The following NRXN1 variants were observed in gnomAD, a reference collection of about 807,000 sequenced individuals.
NRXN1 encodes the protein neurexin 1.
NRXN1 carries 39 observed loss-of-function variants against 150.9 expected under a neutral mutation model. The ratio of observed to expected loss-of-function variants is 0.26; its 90% confidence interval spans 0.20 to 0.34. NRXN1 has a LOEUF of 0.34. NRXN1 is among the 10% of genes least tolerant of loss of function. NRXN1 has a pLI of 1.00. For missense variants in NRXN1, 1,815 were observed against 1,949.9 expected, an observed-to-expected ratio of 0.93 and a Z score of 1.30; for synonymous variants, 924 against 757.0, an observed-to-expected ratio of 1.22 and a Z score of -3.62.
At chr2:50,200,487 T>A (rs2062082174) in intron 18 of NRXN1, among the ~76,000 whole-genome samples, 1 of 152,114 alleles carries the variant, frequency 6.6e-6, no homozygotes, top group Non-Finnish European at 1.5e-5. Context: ...AACAATAACA[T>A]AAAATAATCG....
rs1189183300 is a variant in NRXN1 at position 49,985,098 on chromosome 2, TCA to T, written c.4129-41309_4129-41308del. Among the ~76,000 whole-genome samples, 7 of 152,336 alleles carry T rather than the reference TCA, an allele frequency of 4.6e-5. No homozygotes were observed. The South Asian group carries it at 1.4e-3, about 32-fold the overall frequency. The stretch of plus-strand genomic sequence containing the variant: ...AGCTAGTTAGTTCAACTTCTCTAAG[TCA>T]CAGCTGTTTCACCCATAAAATGAGA... On this transcript the variant is annotated intron_variant, in intron 21 of 22. Coordinates refer to ENST00000401669, the MANE Select transcript of NRXN1 (RefSeq NM_001330078.2).
intron 18 of NRXN1, among the ~76,000 whole-genome samples, chr2:50,139,805 C>A (rs773086848): frequency 4.6e-5 from 7 of 151,592 alleles, no homozygotes; most frequent in African/African-American, 1.7e-4. Flanking sequence ...TTTTGCAAAT[C>A]GACAGAAAAG....
chr2:49,972,547 G>A (rs1678139508), intron 21 of NRXN1: 1 of 152,062 alleles, frequency 6.6e-6, no homozygotes, highest in African/African-American at 2.4e-5. Context: ...AGTATTAATT[G>A]CCACTTTTAT....
intron 17 of NRXN1, among the ~76,000 whole-genome samples, chr2:50,390,501 G>C (rs1244135264): frequency 1.3e-5 from 2 of 152,108 alleles, no homozygotes; most frequent in African/African-American, 4.8e-5. Flanking sequence ...CTGTGTAACT[G>C]TACTATTGCT....
At chr2:49,946,034 C>G (rs1198035185) in intron 21 of NRXN1, among the ~76,000 whole-genome samples, 1 of 151,926 alleles carries the variant, frequency 6.6e-6, no homozygotes, top group Non-Finnish European at 1.5e-5. Context: ...TTCTCCACAT[C>G]CTCCAGCATC....
intron 18 of NRXN1, among the ~76,000 whole-genome samples, chr2:50,151,816 A>G (rs1219984962): frequency 1.3e-5 from 2 of 151,768 alleles, no homozygotes; most frequent in Non-Finnish European, 1.5e-5. Context: ...AAAATTAGTG[A>G]GTTTTATGGT....
intron 15 of NRXN1, among the ~76,000 whole-genome samples, chr2:50,472,872 T>G (rs1375824918): frequency 6.6e-6 from 1 of 151,628 alleles, no homozygotes; most frequent in Non-Finnish European, 1.5e-5. Flanking sequence ...TATCATTGTT[T>G]CTAAAATGGG....
chr2:49,928,275 C>T (rs1348573676), intron 22 of NRXN1, among the ~76,000 whole-genome samples: 2 of 151,226 alleles, frequency 1.3e-5, no homozygotes, highest in South Asian at 4.2e-4. Flanking sequence ...AAAAAAAACT[C>T]TTGGCAAGAT....
intron 17 of NRXN1, among the ~76,000 whole-genome samples, chr2:50,286,172 C>T (rs887623818): frequency 6.6e-5 from 10 of 152,054 alleles, no homozygotes; most frequent in East Asian, 5.8e-4. Flanking sequence ...TAGCATTTTT[C>T]AAGAACACAA....
chr2:50,209,740 A>C (rs2062872493), intron 18 of NRXN1, among the ~76,000 whole-genome samples: 1 of 152,056 alleles, frequency 6.6e-6, no homozygotes, highest in African/African-American at 2.4e-5. Flanking sequence ...TATCTGATTT[A>C]TTTTCATTAA....
intron 13 of NRXN1, among the ~76,000 whole-genome samples, chr2:50,499,003 G>C (rs1370729094): frequency 1.3e-5 from 2 of 152,134 alleles, no homozygotes; most frequent in African/African-American, 4.8e-5. Context: ...TTTCCCCAGG[G>C]GTAATGAAGA....
intron 5 of NRXN1, among the ~76,000 whole-genome samples, chr2:50,816,455 G>A (rs1391450017): frequency 6.6e-6 from 1 of 152,136 alleles, no homozygotes; most frequent in African/African-American, 2.4e-5. Context: ...CCATCTTGAA[G>A]CTATCTTGTG....
chr2:50,575,051 G>T (rs1013742875), intron 8 of NRXN1, among the ~76,000 whole-genome samples: 1 of 152,176 alleles, frequency 6.6e-6, no homozygotes, highest in Non-Finnish European at 1.5e-5. Flanking sequence ...GTATTGCCAC[G>T]TGAGGTGGAA....
Position 50,957,611 on chromosome 2 carries a change from C to T in NRXN1, c.773-31656G>A, listed in dbSNP as rs574827046. 2.7e-4 allele frequency among the ~76,000 whole-genome samples: 41 copies of T among 152,144 alleles called. No individual in the cohort carries two copies. In the South Asian group the frequency reaches 5.4e-3, roughly 20 times the overall value. On this transcript the variant is annotated intron_variant, in intron 2 of 22. Coordinates refer to ENST00000401669, the MANE Select transcript of NRXN1 (RefSeq NM_001330078.2). ...TATTAGTAATCAATAAATGATTCTGCGGCTTTATCATATGTATGAAATTTG... is the reference window on the plus strand; with the variant it reads ...TATTAGTAATCAATAAATGATTCTGTGGCTTTATCATATGTATGAAATTTG...
intron 17 of NRXN1, among the ~76,000 whole-genome samples, chr2:50,355,321 T>C (rs2078717316): frequency 6.6e-6 from 1 of 150,500 alleles, no homozygotes; most frequent in Non-Finnish European, 1.5e-5. Context: ...GTTACACATT[T>C]TGTCAGAGAT....
chr2:49,958,149 C>A (rs189477392), intron 21 of NRXN1, among the ~76,000 whole-genome samples: 1 of 152,218 alleles, frequency 6.6e-6, no homozygotes, highest in African/African-American at 2.4e-5. Context: ...TGCTAATTGT[C>A]TTCTTTGAGA....
At chr2:50,476,293 T>C (rs1209314154) in intron 15 of NRXN1, among the ~76,000 whole-genome samples, 1 of 152,128 alleles carries the variant, frequency 6.6e-6, no homozygotes, top group African/African-American at 2.4e-5. Context: ...ATCATGAGTA[T>C]CCATTCCGCA....
intron 17 of NRXN1, among the ~76,000 whole-genome samples, chr2:50,454,679 C>CACACAT (rs1376492288): frequency 6.6e-6 from 1 of 150,676 alleles, no homozygotes. Flanking sequence ...CACACACACA[C>CACACAT]ACACACACAC....
At position 50,827,488 on chromosome 2, in the gene NRXN1, G is replaced by T. The variant is rs183085060; in HGVS notation, c.832+94381C>A. ...TACATGTGACCCTCTGGCTATAATAGTAAAAAATAATTTTTAAAAATGAAG... is the reference window on the plus strand; with the variant it reads ...TACATGTGACCCTCTGGCTATAATATTAAAAAATAATTTTTAAAAATGAAG... On this transcript the variant is annotated intron_variant, in intron 5 of 22. Coordinates refer to ENST00000401669, the MANE Select transcript of NRXN1 (RefSeq NM_001330078.2). Among the ~76,000 whole-genome samples the T allele has an allele frequency of 4.5e-4, 68 of 152,140 alleles. No individual in the cohort carries two copies. In the East Asian group the frequency reaches 6.8e-3, roughly 15 times the overall value.
Sources: gnomAD v4.1 joint callset for allele counts (sites outside exome capture counted in the v4.1 genomes callset) on GRCh38, gnomAD v4.1.1 for gene constraint, MANE v1.5 for transcripts, NCBI Gene and HGNC (gene_info 2026-07-23, HGNC 2026-07-21) for gene names.